The following MAP3K5 variants were observed in gnomAD, a reference collection of about 807,000 sequenced individuals.
The protein encoded by MAP3K5 is mitogen-activated protein kinase kinase kinase 5.
Under a neutral mutation model 158.7 loss-of-function variants are expected in MAP3K5, and 56 were observed. The observed-to-expected ratio is 0.35, with a 90% CI of 0.28 to 0.44. The LOEUF (loss-of-function observed/expected upper bound fraction) is 0.44, where lower values mean the gene tolerates loss of function less well. Among genes scored for constraint, MAP3K5 ranks in the 20% least tolerant of loss-of-function variants. The pLI, the probability that MAP3K5 is intolerant of heterozygous loss-of-function variation, is 1.00. For missense variants in MAP3K5, 1,294 were observed against 1,674.8 expected, an observed-to-expected ratio of 0.77 and a Z score of 3.97; for synonymous variants, 579 against 601.7, an observed-to-expected ratio of 0.96 and a Z score of 0.55.
At chr6:136,601,730 G>A (rs952679828) in intron 20 of MAP3K5, 72 bp downstream of exon 20, 47 of 1,432,642 alleles carry the variant, frequency 3.3e-5, no homozygotes, top group African/African-American at 4.3e-5. Context: ...GTTTACTTCC[G>A]GAAAATTCTT....
chr6:136,708,036 TC>T (rs907855025), intron 2 of MAP3K5, among the ~76,000 whole-genome samples: 5 of 152,182 alleles, frequency 3.3e-5, no homozygotes, highest in African/African-American at 1.2e-4. Flanking sequence ...TCATAAAATC[TC>T]TCTGGAAGGA....
chr6:136,706,041 T>C (rs1025164090), intron 2 of MAP3K5, among the ~76,000 whole-genome samples: 2 of 152,132 alleles, frequency 1.3e-5, no homozygotes, highest in African/African-American at 2.4e-5. Flanking sequence ...GTGGATCACC[T>C]GAGGTCATGA....
rs1784882688 is a variant in MAP3K5 at position 136,787,093 on chromosome 6, T to C, written c.448+4617A>G. ...AGAAGCTACCCCTTGCCAGGTGTGG[T>C]GGCTCACACCTGTAATCCCAGCTCT... On this transcript the variant is annotated intron_variant, in intron 1 of 29. Coordinates refer to ENST00000359015, the MANE Select transcript of MAP3K5 (RefSeq NM_005923.4). Among the ~76,000 whole-genome samples, 4 of 152,164 alleles carry C rather than the reference T, an allele frequency of 2.6e-5. No individual in the cohort carries two copies. In the South Asian group the frequency reaches 8.3e-4, roughly 31 times the overall value.
At chr6:136,584,258 T>C (rs577906436) in intron 23 of MAP3K5, 26 of 152,758 alleles carry the variant, frequency 1.7e-4, no homozygotes, top group African/African-American at 6.0e-4. Flanking sequence ...AGCTATAAAA[T>C]AGGGTCATGA....
chr6:136,580,518 C>T (rs1250176958), intron 24 of MAP3K5, 112 bp from the exon 25 acceptor site: 6 of 597,112 alleles, frequency 1.0e-5, no homozygotes, highest in Admixed American at 2.7e-5. Context: ...GTTTCTTCAA[C>T]TTGAATTCTT....
Position 136,562,562 on chromosome 6 carries a change from C to A in MAP3K5, c.3815G>T (p.Arg1272Leu). The A allele has an allele frequency of 1.9e-6, 3 of 1,604,116 alleles. No homozygotes were observed. Among genetic ancestry groups the A allele is most frequent in the South Asian group, 1.1e-5 (1 of 90,098 alleles). The stretch of plus-strand genomic sequence containing the variant: ...TTCTTGGTCTTTTTCTTCAATAGCT[C>A]GATGAAGGAGTGCTTGTAATTCTTT... ...KEKELQALLH[R>L]AIEEKDQEIK... Residue 1272 changes from arginine (R) to leucine (L), a missense_variant, in exon 27 of 30, where the codon CGA becomes CTA. Physicochemically the swap from Arg to Leu is moderately radical, Grantham distance 102. Transcript: ENST00000359015.
At chr6:136,607,876 A>C (rs1433350037) in intron 18 of MAP3K5, among the ~76,000 whole-genome samples, 1 of 152,236 alleles carries the variant, frequency 6.6e-6, no homozygotes, top group African/African-American at 2.4e-5. Context: ...TTATCAGCAC[A>C]GTAAGTAAAT....
At chr6:136,563,451 C>A (rs535895700) in intron 26 of MAP3K5, among the ~76,000 whole-genome samples, 2 of 152,232 alleles carry the variant, frequency 1.3e-5, no homozygotes, top group South Asian at 4.1e-4. Flanking sequence ...TGGCATATAA[C>A]AAATTCTCAG....
chr6:136,650,430 C>T (rs17723721), intron 11 of MAP3K5, among the ~76,000 whole-genome samples: 16,401 of 152,260 alleles, frequency 0.11, 1,151 homozygotes, highest in East Asian at 0.21. Flanking sequence ...CACATGACTG[C>T]TATGAGCGGA....
At chr6:136,720,417 TA>T in intron 2 of MAP3K5, 32 bp downstream of exon 2, 3 of 1,534,000 alleles carry the variant, frequency 2.0e-6, no homozygotes, top group Non-Finnish European at 2.6e-6. Context: ...ATGCTGATGT[TA>T]AAATGAAACA....
chr6:136,725,233 C>T (rs1781916696), intron 1 of MAP3K5, among the ~76,000 whole-genome samples: 1 of 152,170 alleles, frequency 6.6e-6, no homozygotes, highest in Non-Finnish European at 1.5e-5. Context: ...AGTAGGATTA[C>T]TGGGTCATAG....
chr6:136,612,971 G>T (rs1210356033), intron 17 of MAP3K5, 149 bp downstream of exon 17: 1 of 721,866 alleles, frequency 1.4e-6, no homozygotes, highest in Non-Finnish European at 2.1e-6. Context: ...ACTGATTCAG[G>T]GTTGAACGAT....
At chr6:136,688,231 G>A (rs974249813) in intron 7 of MAP3K5, among the ~76,000 whole-genome samples, 1 of 152,102 alleles carries the variant, frequency 6.6e-6, no homozygotes, top group African/African-American at 2.4e-5. Context: ...AGAACACATG[G>A]ACACAGGGAG....
At chr6:136,591,196 T>C (rs1775370042) in intron 23 of MAP3K5, among the ~76,000 whole-genome samples, 1 of 152,250 alleles carries the variant, frequency 6.6e-6, no homozygotes, top group African/African-American at 2.4e-5. Flanking sequence ...TTCTTTCCTT[T>C]ATAAATTACC....
intron 3 of MAP3K5, among the ~76,000 whole-genome samples, chr6:136,702,278 G>A (rs992591606): frequency 1.3e-5 from 2 of 152,232 alleles, no homozygotes; most frequent in African/African-American, 4.8e-5. Flanking sequence ...CTAAGAGACA[G>A]CCCAGTGAGT....
intron 1 of MAP3K5, among the ~76,000 whole-genome samples, chr6:136,757,170 G>A (rs538393422): frequency 1.3e-5 from 2 of 152,204 alleles, no homozygotes; most frequent in Admixed American, 6.5e-5. Flanking sequence ...ATGCTGGGAC[G>A]TGGGGCAAGA....
intron 1 of MAP3K5, among the ~76,000 whole-genome samples, chr6:136,735,756 G>A (rs1782430144): frequency 6.6e-6 from 1 of 152,100 alleles, no homozygotes; most frequent in Non-Finnish European, 1.5e-5. Context: ...TTGGGCCCGG[G>A]AGTTCAAGGT....
At chr6:136,590,755 T>C (rs1775348909) in intron 23 of MAP3K5, among the ~76,000 whole-genome samples, 1 of 152,042 alleles carries the variant, frequency 6.6e-6, no homozygotes, top group Admixed American at 6.6e-5. Context: ...TTAGCCAGGA[T>C]GGTCTCGATC....
At chr6:136,728,089 G>A (rs1213512781) in intron 1 of MAP3K5, among the ~76,000 whole-genome samples, 2 of 152,164 alleles carry the variant, frequency 1.3e-5, no homozygotes, top group African/African-American at 2.4e-5. Context: ...TTAATGTTAA[G>A]TGGAGGATAA....
Sources: allele counts gnomAD v4.1 joint callset (sites outside exome capture counted in the v4.1 genomes callset), GRCh38; gene constraint gnomAD v4.1.1; transcripts MANE v1.5; gene names NCBI Gene and HGNC (gene_info 2026-07-23, HGNC 2026-07-21).